SCRG1: variants seen among roughly 807,000 people sequenced by gnomAD.
SCRG1 encodes the protein scrapie-responsive protein 1.
Under a neutral mutation model 7.7 loss-of-function variants are expected in SCRG1, and 3 were observed. The observed-to-expected ratio is 0.39, with a 90% CI of 0.18 to 1.01. SCRG1 has a LOEUF of 1.01. Among genes scored for constraint, SCRG1 ranks in the 50% least tolerant of loss-of-function variants. SCRG1 has a pLI of 0.36. For missense variants in SCRG1, 110 were observed against 117.2 expected, an observed-to-expected ratio of 0.94 and a Z score of 0.28; for synonymous variants, 46 against 41.2, an observed-to-expected ratio of 1.12 and a Z score of -0.44.
chr4:173,484,844 T>A, the SCRG1 span, among the ~76,000 whole-genome samples: 3,624 of 76,192 alleles, frequency 0.048, 313 homozygotes, highest in African/African-American at 0.18. Context: ...TACAATATAT[T>A]ATATATAATA....
At chr4:173,470,116 CTTTCTT>C in the SCRG1 span, 1 of 84,508 alleles carries the variant, frequency 1.2e-5, no homozygotes, top group Non-Finnish European at 2.1e-5. Flanking sequence ...CTCTCTCCCT[CTTTCTT>C]TTTTTTTTTT....
the SCRG1 span, among the ~76,000 whole-genome samples, chr4:173,517,573 A>G: frequency 6.6e-6 from 1 of 152,150 alleles, no homozygotes; most frequent in Non-Finnish European, 1.5e-5. Flanking sequence ...GCGTACATCC[A>G]CACAGCGCAT....
chr4:173,471,961 G>C, the SCRG1 span, among the ~76,000 whole-genome samples: 28 of 152,234 alleles, frequency 1.8e-4, no homozygotes, highest in South Asian at 4.4e-3. Context: ...TGCCCACCTT[G>C]GTCTCCCAAA....
the SCRG1 span, among the ~76,000 whole-genome samples, chr4:173,501,324 C>A: frequency 6.6e-6 from 1 of 152,192 alleles, no homozygotes; most frequent in African/African-American, 2.4e-5. This position sits in a 1 kb window ranked among gnomAD's most constrained non-coding sequence, Gnocchi z 5.1. Context: ...CCTCTAGTCA[C>A]GGTCAAGCCC....
chr4:173,516,408 G>A, the SCRG1 span, among the ~76,000 whole-genome samples: 1 of 152,208 alleles, frequency 6.6e-6, no homozygotes, highest in Non-Finnish European at 1.5e-5. Context: ...AGAAGAACTG[G>A]AGCAATGATT....
the SCRG1 span, among the ~76,000 whole-genome samples, chr4:173,430,319 C>T: frequency 6.6e-6 from 1 of 152,150 alleles, no homozygotes. Context: ...ATCTGGATGA[C>T]ACCTAGGTTC....
In SCRG1 at chr4:173,384,705, G is replaced by A. The variant is rs1170030077; in HGVS notation, c.*3636C>T. On this transcript the variant is annotated 3_prime_UTR_variant, in exon 3 of 3. Transcript: ENST00000296506. ...TATTCAACAAGTCTCTGCGAATTAC[G>A]ATGAAGAAAAGATGAATTTTAATTA... 2 of 152,038 alleles carry A rather than the reference G, an allele frequency of 1.3e-5. No homozygotes were observed. Among genetic ancestry groups the A allele is most frequent in the Non-Finnish European group, 2.9e-5 (2 of 67,998 alleles). 9.4% of individuals were successfully genotyped at this position (152,038 alleles called of 1,614,324 possible).
Position 173,391,302 on chromosome 4 carries a change from C to T in SCRG1, c.113G>A (p.Cys38Tyr), listed in dbSNP as rs1276986406. 6.2e-7 allele frequency: 1 copy of T among 1,614,050 alleles called. No homozygotes were observed. The highest frequency in any genetic ancestry group is 8.5e-7 in the Non-Finnish European group (1 of 1,180,026). The change falls in exon 2 of 3, where the codon TGT (cysteine) becomes TAT (tyrosine). Residue 38 changes from cysteine (C) to tyrosine (Y), a missense_variant. Cys to Tyr is a radical substitution (Grantham distance 194). Coordinates refer to ENST00000296506, the MANE Select transcript of SCRG1 (RefSeq NM_007281.4). The stretch of plus-strand genomic sequence containing the variant: ...AGCTACTCCTTCCGGAAGGTTGTGA[C>T]AGTTGTGATCTTTTAGTATCTTTCT... ...CYRKILKDHN[C>Y]HNLPEGVADL...
At chr4:173,501,464 G>A in the SCRG1 span, among the ~76,000 whole-genome samples, 27 of 152,228 alleles carry the variant, frequency 1.8e-4, no homozygotes, top group African/African-American at 6.3e-4. The surrounding 1 kb of genome is among the most constrained non-coding windows in gnomAD (Gnocchi z 5.1). Flanking sequence ...TTCCCAGTGC[G>A]CCTGTGGTTG....
chr4:173,474,806 C>T, the SCRG1 span, among the ~76,000 whole-genome samples: 78 of 152,020 alleles, frequency 5.1e-4, 1 homozygote, highest in Non-Finnish European at 1.1e-3. Context: ...AGCCTGAGGT[C>T]CTTTTAGAAA....
At chr4:173,482,667 A>G in the SCRG1 span, among the ~76,000 whole-genome samples, 2 of 151,560 alleles carry the variant, frequency 1.3e-5, no homozygotes, top group Non-Finnish European at 2.9e-5. Flanking sequence ...AAAATTGAAA[A>G]CTTAGCCAGG....
chr4:173,432,617 G>A, the SCRG1 span, among the ~76,000 whole-genome samples: 4 of 152,062 alleles, frequency 2.6e-5, no homozygotes, highest in Non-Finnish European at 4.4e-5. Flanking sequence ...AGAGTTTACC[G>A]TGTGCCACAC....
the SCRG1 span, among the ~76,000 whole-genome samples, chr4:173,515,712 CAG>C: frequency 6.6e-6 from 1 of 152,052 alleles, no homozygotes; most frequent in African/African-American, 2.4e-5. This position sits in a 1 kb window ranked among gnomAD's most constrained non-coding sequence, Gnocchi z 4.6. Flanking sequence ...ACTACGACTT[CAG>C]GTGGCCCTCT....
At chr4:173,500,212 T>G in the SCRG1 span, among the ~76,000 whole-genome samples, 4 of 152,240 alleles carry the variant, frequency 2.6e-5, no homozygotes, top group African/African-American at 4.8e-5. Context: ...ACGCCCCAGA[T>G]GTTTCCTGCG....
chr4:173,479,355 C>T, the SCRG1 span, among the ~76,000 whole-genome samples: 2 of 152,012 alleles, frequency 1.3e-5, no homozygotes, highest in Non-Finnish European at 2.9e-5. Context: ...GTTGAATATA[C>T]CCAGCTGATG....
chr4:173,492,696 C>T, the SCRG1 span, among the ~76,000 whole-genome samples: 4 of 152,178 alleles, frequency 2.6e-5, no homozygotes, highest in African/African-American at 9.7e-5. Context: ...TAGTTAGTGG[C>T]CTAACTGGCC....
chr4:173,472,335 G>A, the SCRG1 span, among the ~76,000 whole-genome samples: 87 of 152,304 alleles, frequency 5.7e-4, no homozygotes, highest in African/African-American at 2.0e-3. Flanking sequence ...CTTCGTGGAT[G>A]AACTTGACAA....
At chr4:173,455,204 A>G in the SCRG1 span, among the ~76,000 whole-genome samples, 1 of 152,208 alleles carries the variant, frequency 6.6e-6, no homozygotes, top group Non-Finnish European at 1.5e-5. Context: ...CAAACCCCTA[A>G]ATATTTTTAA....
At chr4:173,404,294 A>T (rs1739842982) in intron 2 of SCRG1, 1 of 152,206 alleles carries the variant, frequency 6.6e-6, no homozygotes, top group Admixed American at 6.5e-5. Flanking sequence ...TTGAATGTGC[A>T]TGAATCACAC....
Sources: allele counts gnomAD v4.1 joint callset (sites outside exome capture counted in the v4.1 genomes callset), GRCh38; gene constraint gnomAD v4.1.1; non-coding constraint Gnocchi (gnomAD v3.1); transcripts MANE v1.5; gene names NCBI Gene and HGNC (gene_info 2026-07-23, HGNC 2026-07-21).